APOB: variants seen among roughly 807,000 people sequenced by gnomAD.
APOB encodes the protein apolipoprotein B-100.
Under a neutral mutation model 314.1 loss-of-function variants are expected in APOB, and 153 were observed. The ratio of observed to expected loss-of-function variants is 0.49; its 90% CI spans 0.43 to 0.56. APOB has a LOEUF of 0.56. Among genes scored for constraint, APOB ranks in the 20% least tolerant of loss-of-function variants. The probability of loss-of-function intolerance (pLI) is 0.00; values close to 1 mark genes in which losing one functional copy is unlikely to be tolerated. For missense variants in APOB, 5,430 were observed against 5,350.7 expected (o/e 1.01, Z -0.46); for synonymous variants, 2,087 against 2,036.4 (o/e 1.02, Z -0.67).
chr2:21,015,664 A>C, intron 21 of APOB, 119 bp from the exon 22 acceptor site: 1 of 1,072,368 alleles, frequency 9.3e-7, no homozygotes. Context: ...GTTCAGAGAA[A>C]CAGCCACAGA....
rs759968700 is a variant in APOB, at chr2:21,002,406, T to A, written c.13016A>T (p.Asp4339Val). 2 of 1,602,324 alleles carry A rather than the reference T, an allele frequency of 1.2e-6. No homozygotes were observed. The highest frequency in any genetic ancestry group is 1.1e-5 in the South Asian group (1 of 89,304). ...IQDEINTIFS[D>V]YIPYVFKLLK... is the part of the protein sequence containing the mutation. The stretch of plus-strand genomic sequence containing the variant: ...CAATTTAAAAACATATGGGATATAA[T>A]CACTGAAGATTGTGTTGATCTCATC... Residue 4339 changes from aspartate (D) to valine (V), a missense_variant, in exon 29 of 29, where the codon GAT becomes GTT. Around this residue, in one of 3 missense-constraint regions of APOB, gnomAD observed 3,281 missense variants for 3,171.0 expected, o/e 1.03. Coordinates refer to ENST00000233242, the MANE Select transcript of APOB (RefSeq NM_000384.3).
In APOB at chr2:21,009,725, T is replaced by C. The variant is rs1572782510; in HGVS notation, c.7143A>G (p.Leu2381=). 2 of 1,613,886 alleles carry C rather than the reference T, an allele frequency of 1.2e-6. No individual in the cohort carries two copies. The highest frequency in any genetic ancestry group is 4.5e-5 in the East Asian group (2 of 44,864). ...KETIQKLSNV[L]QQVKIKDYFE... ...AGTAATCTTTTATCTTAACTTGTTG[T>C]AGGACATTGCTTAGCTTCTGAATAG... Residue 2381 remains leucine, a synonymous_variant, in exon 26 of 29, where the codon CTA becomes CTG. Coordinates refer to ENST00000233242, the MANE Select transcript of APOB (RefSeq NM_000384.3).
Position 21,002,430 on chromosome 2 carries a change from T to A in APOB, c.12992A>T (p.Asp4331Val). ...KFTYLINYIQ[D>V]EINTIFSDYI... ...ATCACTGAAGATTGTGTTGATCTCATCTTGGATATAATTAATAAGATAAGT... is the reference window on the plus strand; with the variant it reads ...ATCACTGAAGATTGTGTTGATCTCAACTTGGATATAATTAATAAGATAAGT... The change falls in exon 29 of 29, where the codon GAT becomes GTT. Residue 4331 changes from aspartate (D) to valine (V), a missense_variant. Asp to Val is a radical substitution (Grantham distance 152, BLOSUM62 -3). Coordinates refer to ENST00000233242, the MANE Select transcript of APOB (RefSeq NM_000384.3). The A allele has an allele frequency of 6.2e-7, 1 of 1,600,798 alleles. No individual in the cohort carries two copies. The highest frequency in any genetic ancestry group is 8.5e-7 in the Non-Finnish European group (1 of 1,171,724).
At position 21,040,988 on chromosome 2, in the gene APOB, G is replaced by A; in HGVS notation, c.333C>T (p.Ala111=). 6.2e-7 allele frequency: 1 copy of A among 1,614,028 alleles called. No individual in the cohort carries two copies. Among genetic ancestry groups the A allele is most frequent in the Non-Finnish European group, 8.5e-7 (1 of 1,180,022 alleles). ...EVYGFNPEGK[A]LLKKTKNSEE... ...CAGAGTTCTTGGTTTTCTTCAGCAAGGCTTTGCCCTCAGGGTTGAAGCCAT... is the reference window on the plus strand; with the variant it reads ...CAGAGTTCTTGGTTTTCTTCAGCAAAGCTTTGCCCTCAGGGTTGAAGCCAT... The change falls in exon 4 of 29, where the codon GCC becomes GCT. Residue 111 remains alanine, a synonymous_variant. Coordinates refer to ENST00000233242, the MANE Select transcript of APOB (RefSeq NM_000384.3).
At chr2:21,043,386 T>G in intron 2 of APOB, 127 bp downstream of exon 2, 1 of 1,120,462 alleles carries the variant, frequency 8.9e-7, no homozygotes, top group African/African-American at 1.5e-5. Context: ...ACTTGCTTCC[T>G]GGGGTCAGAG....
In APOB at chr2:21,016,383, TGAAAA is replaced by T; in HGVS notation, c.3332+51_3332+55del. ...CAGGTATGAAGTGGAAGAGGAATAA[TGAAAA>T]GAACCACCCAGGCCTGCAGTGCAGG... is the stretch of plus-strand genomic sequence containing the variant. On this transcript the variant is annotated intron_variant, in intron 21 of 28. Coordinates refer to ENST00000233242, the MANE Select transcript of APOB (RefSeq NM_000384.3). 3.2e-6 allele frequency: 3 copies of T among 929,590 alleles called. No homozygotes were observed. The South Asian group carries it at 3.9e-5, about 12-fold the overall frequency. The allele number at this position is 929,590 out of a possible 1,614,324, so 57.6% of individuals were successfully genotyped here.
intron 18 of APOB, among the ~76,000 whole-genome samples, chr2:21,022,418 C>T (rs960947620): frequency 8.5e-5 from 13 of 152,254 alleles, no homozygotes; most frequent in African/African-American, 2.6e-4. Context: ...GCTTTACCTA[C>T]CTAGCTACCT....
At chr2:21,024,544 G>A (rs952837405) in intron 16 of APOB, 18 of 365,818 alleles carry the variant, frequency 4.9e-5, no homozygotes, top group Non-Finnish European at 7.3e-5. Flanking sequence ...GCTTGAACCC[G>A]GAAGGCAGAG....
intron 24 of APOB, among the ~76,000 whole-genome samples, chr2:21,014,224 G>C (rs961831771): frequency 2.0e-5 from 3 of 152,226 alleles, no homozygotes; most frequent in Non-Finnish European, 2.9e-5. Flanking sequence ...TAGGGTGAAA[G>C]TACCAGAATC....
At position 21,035,607 on chromosome 2, in the gene APOB, G is replaced by A. The variant is rs1572800643; in HGVS notation, c.795C>T (p.His265=). ...HVAEAICKEQ[H]LFLPFSYKNK... ...ACTTGTAGGAGAAAGGCAGGAAGAG[G>A]TGTTGCTCCTTGCAGATGGCTTCTG... Residue 265 remains histidine, a synonymous_variant, in exon 7 of 29, where the codon CAC becomes CAT. Transcript: ENST00000233242. 1 of 1,614,134 alleles carries A rather than the reference G, an allele frequency of 6.2e-7. No individual in the cohort carries two copies. Among genetic ancestry groups the A allele is most frequent in the Non-Finnish European group, 8.5e-7 (1 of 1,180,034 alleles).
rs768974134 is a variant in APOB at position 21,004,495 on chromosome 2, G to A, written c.11904-43C>T. The A allele has an allele frequency of 2.5e-6, 4 of 1,613,034 alleles. No individual in the cohort carries two copies. The African/African-American group carries it at 5.3e-5, about 22-fold the overall frequency. On this transcript the variant is annotated intron_variant, in intron 27 of 28. Coordinates refer to ENST00000233242, the MANE Select transcript of APOB (RefSeq NM_000384.3). ...GATGAGCTATCACGAAAGGGGTATG[G>A]AGATGAAGAAAATCACAATGAGTTT... is the stretch of plus-strand genomic sequence containing the variant.
Position 21,032,595 on chromosome 2 carries a change from C to T in APOB, c.1125-14G>A. The T allele has an allele frequency of 1.2e-6, 2 of 1,608,292 alleles. No homozygotes were observed. The highest frequency in any genetic ancestry group is 8.5e-7 in the Non-Finnish European group (1 of 1,175,058). The stretch of plus-strand genomic sequence containing the variant: ...AAAGTGATGGGGCTGAGAAGAAAGA[C>T]ATGGATAAAGTTATACAGACCACCT... On this transcript the variant is annotated splice_polypyrimidine_tract_variant and intron_variant, in intron 9 of 28. Coordinates refer to ENST00000233242, the MANE Select transcript of APOB (RefSeq NM_000384.3).
At chr2:21,032,771 A>G (rs568667050) in intron 9 of APOB, among the ~76,000 whole-genome samples, 190 bp from the exon 10 acceptor site, 10 of 152,286 alleles carry the variant, frequency 6.6e-5, no homozygotes, top group East Asian at 3.9e-4. Flanking sequence ...AAGAAGCCCA[A>G]TCGAGAAAAG....
rs760762945 is a variant in APOB, at chr2:21,023,525, G to A, written c.2604C>T (p.Asn868=). Residue 868 remains asparagine (N), a splice_region_variant and synonymous_variant, in exon 17 of 29, where the codon AAC becomes AAT. Transcript: ENST00000233242. ...AKAGVKLEVA[N]MQAELVAKPS... is the part of the protein sequence containing the mutation. ...AATCAAAAGGCAAACAGAATCTTAC[G>A]TTGGCTACTTCCAGTTTTACTCCAG... 9.3e-6 allele frequency: 15 copies of A among 1,614,148 alleles called. No individual in the cohort carries two copies. The highest frequency in any genetic ancestry group is 5.3e-5 in the African/African-American group (4 of 75,052).
intron 10 of APOB, among the ~76,000 whole-genome samples, chr2:21,030,373 T>C (rs1288707699): frequency 6.6e-6 from 1 of 152,144 alleles, no homozygotes; most frequent in African/African-American, 2.4e-5. Context: ...TTTCAATAAG[T>C]GGTGCTGGGA....
rs750728694 is a variant in APOB at position 21,004,546 on chromosome 2, A to G, written c.11903+15T>C. The G allele has an allele frequency of 1.4e-5, 23 of 1,612,984 alleles. No individual in the cohort carries two copies. In the South Asian group the frequency reaches 1.5e-4, roughly 11 times the overall value. On this transcript the variant is annotated intron_variant, in intron 27 of 28. Transcript: ENST00000233242. ...TCAAAAGGTATAAGGTTTCAATTCA[A>G]TAAAAGCTCCATACTGAAGTCCTTC...
Position 21,003,346 on chromosome 2 carries a change from G to GA in APOB, c.12088-13dup, listed in dbSNP as rs751121092. The GA allele has an allele frequency of 0.029, 31,315 of 1,091,966 alleles. 4 individuals are homozygous for GA. Among genetic ancestry groups the GA allele is most frequent in the South Asian group, 0.042 (2,344 of 56,240 alleles). 67.6% of individuals were successfully genotyped at this position (1,091,966 alleles called of 1,614,324 possible). Reference sequence around the variant, plus strand: ...TTATCTGGAGAGGACTAAACAGAGAGAAAAAAAAAAATAACATGTTTTCAA... The same window carrying GA: ...TTATCTGGAGAGGACTAAACAGAGAGAAAAAAAAAAAATAACATGTTTTCAA... On this transcript the variant is annotated splice_polypyrimidine_tract_variant and intron_variant, in intron 28 of 28. Coordinates refer to ENST00000233242, the MANE Select transcript of APOB (RefSeq NM_000384.3).
At position 21,002,809 on chromosome 2, in the gene APOB, G is replaced by A. The variant is rs1305130119; in HGVS notation, c.12613C>T (p.Pro4205Ser). 1.9e-6 allele frequency: 3 copies of A among 1,610,776 alleles called. No individual in the cohort carries two copies. In the South Asian group the frequency reaches 3.3e-5, roughly 18 times the overall value. The change falls in exon 29 of 29, where the codon CCG (proline) becomes TCG (serine). Residue 4205 changes from proline to serine, a missense_variant. Pro to Ser is a moderately conservative substitution (Grantham distance 74). This residue lies in a region of APOB where 3,281 missense variants were observed against 3,171.0 expected (regional missense o/e 1.03). Coordinates refer to ENST00000233242, the MANE Select transcript of APOB (RefSeq NM_000384.3). ...CTAGTGTATATCCCAGGTTTCCCCGGAAACTGGAATCTGGGGAAGTTCAGA... is the reference window on the plus strand; with the variant it reads ...CTAGTGTATATCCCAGGTTTCCCCGAAAACTGGAATCTGGGGAAGTTCAGA... ...DFLNFPRFQF[P>S]GKPGIYTREE... is the part of the protein sequence containing the mutation.
chr2:21,032,950 CATATT>C (rs961101391), intron 9 of APOB, among the ~76,000 whole-genome samples: 17 of 152,080 alleles, frequency 1.1e-4, no homozygotes, highest in African/African-American at 2.9e-4. Flanking sequence ...GTAGAGAAAT[CATATT>C]ATATTTTTCG....
Sources: allele counts gnomAD v4.1 joint callset (sites outside exome capture counted in the v4.1 genomes callset), GRCh38; gene constraint gnomAD v4.1.1; regional missense constraint gnomAD v4.1.1; transcripts MANE v1.5; gene names NCBI Gene and HGNC (gene_info 2026-07-23, HGNC 2026-07-21).